The following SREK1IP1 variants were observed in gnomAD, a reference collection of about 807,000 sequenced individuals.
The protein encoded by SREK1IP1 is protein SREK1IP1.
Under a neutral mutation model 22.8 loss-of-function variants are expected in SREK1IP1, and 12 were observed. The ratio of observed to expected loss-of-function variants is 0.53; its 90% CI spans 0.34 to 0.85. SREK1IP1 has a LOEUF of 0.85. Ranked by LOEUF, SREK1IP1 falls within the 40% of genes least tolerant of loss-of-function variation. The pLI, the probability that SREK1IP1 is intolerant of heterozygous loss-of-function variation, is 0.02. For synonymous variants in SREK1IP1, 53 were observed against 52.7 expected, an observed-to-expected ratio of 1.01 and a Z score of -0.02; for missense variants, 147 against 171.8, an observed-to-expected ratio of 0.86 and a Z score of 0.81.
intron 1 of SREK1IP1, among the ~76,000 whole-genome samples, chr5:64,767,758 G>T (rs928863173): frequency 6.6e-6 from 1 of 152,184 alleles, no homozygotes; most frequent in Non-Finnish European, 1.5e-5. Flanking sequence ...GTGGGGTGGA[G>T]AAGTGTGTAT....
intron 1 of SREK1IP1, among the ~76,000 whole-genome samples, chr5:64,763,704 C>T (rs866125065): frequency 4.0e-4 from 61 of 152,112 alleles, no homozygotes; most frequent in Middle Eastern, 3.2e-3. Context: ...TCTAATTATT[C>T]ATTATTTACC....
At chr5:64,735,726 T>C (rs918385957) in intron 3 of SREK1IP1, among the ~76,000 whole-genome samples, 19 of 152,302 alleles carry the variant, frequency 1.2e-4, no homozygotes, top group Admixed American at 8.5e-4. Context: ...ATTTCTGATA[T>C]CAGTAATATA....
chr5:64,752,342 G>A (rs1353178094), intron 2 of SREK1IP1, among the ~76,000 whole-genome samples: 3 of 151,640 alleles, frequency 2.0e-5, no homozygotes, highest in Non-Finnish European at 2.9e-5. Flanking sequence ...TAGTAGAGAC[G>A]GGGTTTCATC....
chr5:64,754,385 T>C (rs1742801718), intron 1 of SREK1IP1, 23 bp from the exon 2 acceptor site: 1 of 1,610,444 alleles, frequency 6.2e-7, no homozygotes, highest in Non-Finnish European at 8.5e-7. Context: ...TGGATAGAAT[T>C]TTAGGAAGTA....
chr5:64,726,988 G>A lies in SREK1IP1; in HGVS notation c.278+1119C>T, dbSNP rs932567212. Among the ~76,000 whole-genome samples, 6 of 152,248 alleles carry A rather than the reference G, an allele frequency of 3.9e-5. No individual in the cohort carries two copies. The South Asian group carries it at 1.0e-3, about 26-fold the overall frequency. ...TCCTGTGAGCAATCCATCTTCCTGT[G>A]CTAGAATAAATGATTTAATAATACA... On this transcript the variant is annotated intron_variant, in intron 4 of 4. Transcript: ENST00000513458.
intron 3 of SREK1IP1, among the ~76,000 whole-genome samples, chr5:64,739,386 C>A (rs1457978748): frequency 6.6e-6 from 1 of 152,104 alleles, no homozygotes; most frequent in Non-Finnish European, 1.5e-5. Context: ...GAAGGGAAGT[C>A]ATCTGACTTC....
At chr5:64,736,946 T>C (rs536245422) in intron 3 of SREK1IP1, among the ~76,000 whole-genome samples, 1 of 151,562 alleles carries the variant, frequency 6.6e-6, no homozygotes, top group South Asian at 2.1e-4. Flanking sequence ...TTATAGTAAT[T>C]TCAGAATAAC....
chr5:64,739,628 C>T (rs1055579862), intron 3 of SREK1IP1, among the ~76,000 whole-genome samples: 4 of 152,104 alleles, frequency 2.6e-5, no homozygotes, highest in African/African-American at 9.7e-5. Flanking sequence ...AATTTTACTG[C>T]TATTCCCTCC....
At position 64,764,616 on chromosome 5, in the gene SREK1IP1, G is replaced by A. The variant is rs113404437; in HGVS notation, c.13+3889C>T. 2.2e-3 allele frequency among the ~76,000 whole-genome samples: 335 copies of A among 152,278 alleles called. 3 individuals carry two copies. Among genetic ancestry groups the A allele is most frequent in the African/African-American group, 7.6e-3 (314 of 41,538 alleles). ...GAGACTTGGCATTTTTAACACTTTA[G>A]AAGCTTAAGAAACCTTAGCCTTCAA... On this transcript the variant is annotated intron_variant, in intron 1 of 4. Coordinates refer to ENST00000513458, the MANE Select transcript of SREK1IP1 (RefSeq NM_173829.4).
At chr5:64,755,792 T>C (rs763157917) in intron 1 of SREK1IP1, among the ~76,000 whole-genome samples, 13 of 151,996 alleles carry the variant, frequency 8.6e-5, no homozygotes, top group Non-Finnish European at 1.8e-4. Context: ...AGGAAGAAAT[T>C]CCAGGGTACT....
At chr5:64,740,938 T>C in intron 3 of SREK1IP1, 119 bp downstream of exon 3, 1 of 889,936 alleles carries the variant, frequency 1.1e-6, no homozygotes, top group Admixed American at 2.9e-5. Context: ...ACCTATTTCC[T>C]ATGCAGTAGC....
rs1390666349 is a variant in SREK1IP1 at position 64,718,833 on chromosome 5, G to T, written c.*5551C>A. 1.3e-5 allele frequency: 2 copies of T among 152,130 alleles called. No homozygotes were observed. The highest frequency in any genetic ancestry group is 2.9e-5 in the Non-Finnish European group (2 of 68,022). The allele number at this position is 152,130 out of a possible 1,614,324, so 9.4% of individuals were successfully genotyped here. A position where few individuals can be genotyped will look rare whatever the true frequency, so the allele number is the denominator to read the frequency against. On this transcript the variant is annotated 3_prime_UTR_variant, in exon 5 of 5. Coordinates refer to ENST00000513458, the MANE Select transcript of SREK1IP1 (RefSeq NM_173829.4). ...GAATTATTTTAAGCAGCTCTACTGA[G>T]CATATCTACTATGTCCTGTAGTTTT... is the stretch of plus-strand genomic sequence containing the variant.
chr5:64,764,210 G>A (rs1397761092), intron 1 of SREK1IP1, among the ~76,000 whole-genome samples: 7 of 152,166 alleles, frequency 4.6e-5, no homozygotes, highest in Non-Finnish European at 8.8e-5. Context: ...GCATTCAGTC[G>A]TCCTGAGCTG....
At chr5:64,747,886 T>C (rs2112102408) in intron 2 of SREK1IP1, among the ~76,000 whole-genome samples, 1 of 151,868 alleles carries the variant, frequency 6.6e-6, no homozygotes, top group East Asian at 1.9e-4. Context: ...TGAGCCGAGA[T>C]GGCGCCACTG....
rs537580461 is a variant in SREK1IP1, at chr5:64,730,991, G to C, written c.206-2812C>G. Among the ~76,000 whole-genome samples the C allele has an allele frequency of 7.2e-5, 11 of 152,312 alleles. No individual in the cohort carries two copies. In the South Asian group the frequency reaches 2.1e-3, roughly 29 times the overall value. On this transcript the variant is annotated intron_variant, in intron 3 of 4. Transcript: ENST00000513458. ...TAGATAAGGGGAAGACTAACTGAAT[G>C]AAAGTGGTGGGTCAATAGCCTGAGG...
chr5:64,725,649 A>G (rs1742249248), intron 4 of SREK1IP1, among the ~76,000 whole-genome samples: 1 of 151,860 alleles, frequency 6.6e-6, no homozygotes, highest in South Asian at 2.1e-4. Context: ...TTGTTTGTCT[A>G]CTTACTTAGA....
At chr5:64,758,851 G>C (rs1436117855) in intron 1 of SREK1IP1, among the ~76,000 whole-genome samples, 1 of 152,140 alleles carries the variant, frequency 6.6e-6, no homozygotes, top group Non-Finnish European at 1.5e-5. Flanking sequence ...ACATGACAGG[G>C]AAATATAACC....
chr5:64,740,582 C>T (rs1390543221), intron 3 of SREK1IP1, among the ~76,000 whole-genome samples: 1 of 152,122 alleles, frequency 6.6e-6, no homozygotes, highest in African/African-American at 2.4e-5. Context: ...CTATGCCTCA[C>T]GATCACTTGT....
chr5:64,754,337 T>C lies in SREK1IP1; in HGVS notation c.39A>G (p.Ala13=), dbSNP rs767954892. The C allele has an allele frequency of 6.8e-6, 11 of 1,614,082 alleles. No homozygotes were observed. Among genetic ancestry groups the C allele is most frequent in the Non-Finnish European group, 9.3e-6 (11 of 1,179,940 alleles). Residue 13 remains alanine, a synonymous_variant, in exon 2 of 5, where the codon GCA becomes GCG. Transcript: ENST00000513458. The part of the protein sequence containing the change: ...VPGCNKDSVR[A]GCKKCGYPGH... ...TACGGTAGCCACATTTTTTACAGCC[T>C]GCTCTGACACTGTCCTTGTTGCAAC...
Sources: allele counts gnomAD v4.1 joint callset (sites outside exome capture counted in the v4.1 genomes callset), GRCh38; gene constraint gnomAD v4.1.1; transcripts MANE v1.5; gene names NCBI Gene and HGNC (gene_info 2026-07-23, HGNC 2026-07-21).